The following GPHN variants were observed in gnomAD, a reference collection of about 807,000 sequenced individuals.
GPHN encodes gephyrin.
A neutral mutation model predicts 95.5 loss-of-function variants in GPHN; 17 were observed. The ratio of observed to expected loss-of-function variants is 0.18; its 90% CI spans 0.12 to 0.27. The LOEUF (loss-of-function observed/expected upper bound fraction) is 0.27. GPHN is among the 10% of genes least tolerant of loss of function. The probability of loss-of-function intolerance (pLI) is 1.00; values close to 1 mark genes in which losing one functional copy is unlikely to be tolerated. For synonymous variants in GPHN, 320 were observed against 322.5 expected, an observed-to-expected ratio of 0.99 and a Z score of 0.08; for missense variants, 660 against 978.1, an observed-to-expected ratio of 0.67 and a Z score of 4.34.
At chr14:67,508,753 C>CAAAAAAAAA in the GPHN span, among the ~76,000 whole-genome samples, 16 of 46,702 alleles carry the variant, frequency 3.4e-4, 2 homozygotes, top group Non-Finnish European at 5.2e-4. Context: ...AACCTTGTCT[C>CAAAAAAAAA]AAAAAAAAAA....
chr14:67,180,716 G>C, intron 22 of GPHN, 88 bp from the exon 23 acceptor site: 1 of 1,300,008 alleles, frequency 7.7e-7, no homozygotes, highest in East Asian at 2.4e-5. Context: ...CCGCATTTCT[G>C]TCTGTTTACA....
intron 11 of GPHN, among the ~76,000 whole-genome samples, chr14:67,083,229 G>GCCC (rs371658241): frequency 6.8e-6 from 1 of 147,896 alleles, no homozygotes; most frequent in African/African-American, 2.5e-5. Context: ...TTGGATCTAT[G>GCCC]CCCCCCCCCC....
intron 3 of GPHN, among the ~76,000 whole-genome samples, chr14:66,814,068 C>A (rs1326507183): frequency 5.9e-5 from 9 of 152,174 alleles, no homozygotes. Context: ...GCTTTACTTG[C>A]CCAGCCAGCA....
At chr14:67,496,393 T>TTTTTTTTG in the GPHN span, among the ~76,000 whole-genome samples, 1 of 58,142 alleles carries the variant, frequency 1.7e-5, no homozygotes, top group Admixed American at 1.5e-4. Context: ...GCTCCGGCGT[T>TTTTTTTTG]TTTTTTTTTT....
At chr14:67,220,207 G>A in the GPHN span, among the ~76,000 whole-genome samples, 1 of 152,124 alleles carries the variant, frequency 6.6e-6, no homozygotes, top group Non-Finnish European at 1.5e-5. Context: ...AGGCCCAGGC[G>A]GGAGGATGGC....
intron 1 of GPHN, among the ~76,000 whole-genome samples, chr14:66,645,671 G>A (rs113677392): frequency 0.31 from 45,330 of 145,866 alleles, 10,667 homozygotes; most frequent in African/African-American, 0.64. Flanking sequence ...CAGCTTGGGC[G>A]ACAGAGTGAG....
chr14:67,261,921 T>C, the GPHN span, among the ~76,000 whole-genome samples: 6 of 152,142 alleles, frequency 3.9e-5, no homozygotes, highest in African/African-American at 1.4e-4. Flanking sequence ...AGATAAATTT[T>C]CTCTGATCAT....
chr14:67,376,600 C>T, the GPHN span: 1 of 1,611,160 alleles, frequency 6.2e-7, no homozygotes, highest in East Asian at 2.2e-5. Context: ...CGTAAGAATA[C>T]CTTCTTGACT....
the GPHN span, chr14:67,335,022 T>C: frequency 2.0e-5 from 3 of 152,204 alleles, no homozygotes; most frequent in South Asian, 2.1e-4. Flanking sequence ...AGGCCTGCAC[T>C]AGGGCCATGT....
chr14:67,306,442 TCAAG>T, the GPHN span, among the ~76,000 whole-genome samples: 1 of 152,160 alleles, frequency 6.6e-6, no homozygotes, highest in East Asian at 1.9e-4. Context: ...CCTCCTGTGT[TCAAG>T]CATTCTCCTG....
chr14:67,407,184 C>A, the GPHN span, among the ~76,000 whole-genome samples: 1 of 151,946 alleles, frequency 6.6e-6, no homozygotes. Context: ...TGCTGTGGTG[C>A]GATCTCAGCT....
intron 1 of GPHN, among the ~76,000 whole-genome samples, chr14:66,621,165 T>C (rs1025060407): frequency 2.7e-5 from 4 of 148,796 alleles, no homozygotes; most frequent in African/African-American, 9.9e-5. Flanking sequence ...TTAGTAGAGA[T>C]GGGGTTTCAC....
chr14:67,557,120 T>G, the GPHN span: 1 of 609,026 alleles, frequency 1.6e-6, no homozygotes, highest in African/African-American at 1.9e-5. Context: ...GGAACTTAAT[T>G]GAATTAATTG....
the GPHN span, among the ~76,000 whole-genome samples, chr14:67,679,769 TC>T: frequency 6.6e-6 from 1 of 152,210 alleles, no homozygotes; most frequent in Non-Finnish European, 1.5e-5. Flanking sequence ...CAATTCTGAC[TC>T]ATTTTTGTAT....
intron 1 of GPHN, among the ~76,000 whole-genome samples, chr14:66,561,076 A>T (rs553474376): frequency 1.3e-5 from 2 of 152,184 alleles, no homozygotes; most frequent in Non-Finnish European, 2.9e-5. Flanking sequence ...CCAGCCTTGC[A>T]TCCCAGGGAT....
chr14:67,202,404 C>T, the GPHN span, among the ~76,000 whole-genome samples: 1 of 152,118 alleles, frequency 6.6e-6, no homozygotes, highest in Non-Finnish European at 1.5e-5. Flanking sequence ...TCACCCATGG[C>T]ACTCCAGCCT....
At chr14:67,687,306 A>C in the GPHN span, among the ~76,000 whole-genome samples, 1 of 152,108 alleles carries the variant, frequency 6.6e-6, no homozygotes, top group Non-Finnish European at 1.5e-5. Context: ...TGTGGCCTCT[A>C]AGGGTTTGGC....
chr14:66,542,405 C>T (rs960585659), intron 1 of GPHN, among the ~76,000 whole-genome samples: 3 of 152,176 alleles, frequency 2.0e-5, no homozygotes, highest in African/African-American at 7.2e-5. Flanking sequence ...TCCTACCTCA[C>T]TGAGAAAATT....
At chr14:67,731,770 A>G in the GPHN span, among the ~76,000 whole-genome samples, 1 of 152,102 alleles carries the variant, frequency 6.6e-6, no homozygotes, top group African/African-American at 2.4e-5. Flanking sequence ...AGGGAGTTTT[A>G]GGGAGAGCCA....
Sources: allele counts gnomAD v4.1 joint callset (sites outside exome capture counted in the v4.1 genomes callset), GRCh38; gene constraint gnomAD v4.1.1; transcripts MANE v1.5; gene names NCBI Gene and HGNC (gene_info 2026-07-23, HGNC 2026-07-21).